USP14: variants seen among roughly 807,000 people sequenced by gnomAD.
The protein encoded by USP14 is ubiquitin specific peptidase 14.
In USP14, 38 loss-of-function variants were observed where a neutral mutation model predicts 76.5. The observed-to-expected ratio is 0.50, with a 90% CI of 0.38 to 0.65. The LOEUF (loss-of-function observed/expected upper bound fraction) is 0.65. Ranked by LOEUF, USP14 falls within the 30% of genes least tolerant of loss-of-function variation. The pLI is 0.00. For missense variants in USP14, 467 were observed against 586.5 expected (o/e 0.80, Z 2.10); for synonymous variants, 192 against 191.7 (o/e 1.00, Z -0.01).
intron 1 of USP14, among the ~76,000 whole-genome samples, chr18:160,311 A>G (rs944421605): frequency 1.3e-5 from 2 of 152,184 alleles, no homozygotes; most frequent in African/African-American, 4.8e-5. Context: ...TCTCAAGAAA[A>G]GAAAAAAAGA....
At chr18:169,360 CAAAAAAAAAAAAA>C (rs11336218) in intron 3 of USP14, among the ~76,000 whole-genome samples, 1 of 79,386 alleles carries the variant, frequency 1.3e-5, no homozygotes, top group Non-Finnish European at 2.4e-5. Context: ...GACTCTACCT[CAAAAAAAAAAAAA>C]AAAAAAAAAG....
chr18:164,690 G>A (rs1033885163), intron 2 of USP14, among the ~76,000 whole-genome samples: 2 of 152,128 alleles, frequency 1.3e-5, no homozygotes, highest in Admixed American at 1.3e-4. Context: ...CTGACCTCAA[G>A]TGATCTGCCC....
At chr18:171,343 T>G (rs574203189) in intron 3 of USP14, among the ~76,000 whole-genome samples, 10 of 152,230 alleles carry the variant, frequency 6.6e-5, no homozygotes, top group African/African-American at 2.4e-4. Context: ...TAGAGGCTAA[T>G]GTAGCTAATG....
chr18:176,176 G>T (rs943697538), intron 3 of USP14, among the ~76,000 whole-genome samples: 2 of 151,470 alleles, frequency 1.3e-5, no homozygotes, highest in Non-Finnish European at 1.5e-5. Context: ...AAAACATTTG[G>T]CCTGTTCATT....
At chr18:164,645 G>T (rs1364656660) in intron 2 of USP14, among the ~76,000 whole-genome samples, 1 of 151,870 alleles carries the variant, frequency 6.6e-6, no homozygotes, top group Non-Finnish European at 1.5e-5. Context: ...GTAGAGATGG[G>T]GTTTCACCAT....
intron 3 of USP14, among the ~76,000 whole-genome samples, chr18:178,095 A>C (rs1909678860): frequency 1.3e-5 from 2 of 152,120 alleles, no homozygotes; most frequent in Non-Finnish European, 2.9e-5. Flanking sequence ...ATCACAGCTC[A>C]CCACAGCCTC....
chr18:179,626 C>G (rs1382561350), intron 4 of USP14, among the ~76,000 whole-genome samples: 1 of 129,448 alleles, frequency 7.7e-6, no homozygotes, highest in Non-Finnish European at 1.6e-5. Flanking sequence ...CTTGCTCTGT[C>G]ACCCCGGCTG....
intron 5 of USP14, among the ~76,000 whole-genome samples, chr18:188,885 G>A (rs1910010362): frequency 6.6e-6 from 1 of 152,086 alleles, no homozygotes; most frequent in Non-Finnish European, 1.5e-5. Context: ...CACCATGTTG[G>A]CCAGGATGGT....
In USP14 at chr18:214,396, A is replaced by AAAT. The variant is rs1041067554; in HGVS notation, c.*3114_*3116dup. On this transcript the variant is annotated 3_prime_UTR_variant, in exon 16 of 16. Transcript: ENST00000261601. ...TTATAAATACATCTACTTAACAAAA[A>AAAT]AATATATTTTGTGATCTTGAGGTCA... is the stretch of plus-strand genomic sequence containing the variant. 4.5e-6 allele frequency: 2 copies of AAAT among 442,506 alleles called. No homozygotes were observed. The highest frequency in any genetic ancestry group is 3.9e-5 in the Admixed American group (1 of 25,430). The allele number at this position is 442,506 out of a possible 1,614,324, so 27.4% of individuals were successfully genotyped here. A position where few individuals can be genotyped will look rare whatever the true frequency, so the allele number is the denominator to read the frequency against.
intron 8 of USP14, 83 bp from the exon 9 acceptor site, chr18:197,963 TA>T: frequency 8.5e-7 from 1 of 1,177,266 alleles, no homozygotes; most frequent in South Asian, 1.8e-5. Flanking sequence ...TTTAAAAAAA[TA>T]TGTATTACTA....
chr18:179,123 G>A, intron 4 of USP14, 86 bp downstream of exon 4: 1 of 879,718 alleles, frequency 1.1e-6, no homozygotes, highest in Non-Finnish European at 1.7e-6. Context: ...GCATCTGAAT[G>A]TCTTGAAGAC....
rs1910711301 is a variant in USP14 at position 212,908 on chromosome 18, A to G, written c.*1624A>G. ...GCAGAGCACAACACTGATGATAACT[A>G]TTAAAAATAGAAAATAACAGCCATT... On this transcript the variant is annotated 3_prime_UTR_variant, in exon 16 of 16. Coordinates refer to ENST00000261601, the MANE Select transcript of USP14 (RefSeq NM_005151.4). 1.3e-5 allele frequency: 2 copies of G among 152,194 alleles called. No individual in the cohort carries two copies. Among genetic ancestry groups the G allele is most frequent in the African/African-American group, 4.8e-5 (2 of 41,468 alleles). The allele number at this position is 152,194 out of a possible 1,614,324, so 9.4% of individuals were successfully genotyped here. A position where few individuals can be genotyped will look rare whatever the true frequency, so the allele number is the denominator to read the frequency against.
intron 3 of USP14, among the ~76,000 whole-genome samples, chr18:169,660 C>G (rs1180169954): frequency 6.6e-6 from 1 of 152,088 alleles, no homozygotes; most frequent in Non-Finnish European, 1.5e-5. Context: ...TTTTATTGTG[C>G]TTCACAGATA....
chr18:183,493 A>G (rs890926344), intron 5 of USP14, among the ~76,000 whole-genome samples: 2 of 151,806 alleles, frequency 1.3e-5, no homozygotes, highest in African/African-American at 4.8e-5. Flanking sequence ...GGTTTCTTAT[A>G]CATATTAAAA....
chr18:204,466 G>C (rs1910470953), intron 12 of USP14, 98 bp from the exon 13 acceptor site: 1 of 1,077,846 alleles, frequency 9.3e-7, no homozygotes, highest in Non-Finnish European at 1.3e-6. Context: ...ATTTTCAACT[G>C]TATCTGAATT....
At chr18:176,595 A>G (rs1027250628) in intron 3 of USP14, among the ~76,000 whole-genome samples, 1 of 151,962 alleles carries the variant, frequency 6.6e-6, no homozygotes, top group African/African-American at 2.4e-5. Flanking sequence ...AGTGCTTAGT[A>G]TATATGGTAT....
intron 4 of USP14, among the ~76,000 whole-genome samples, chr18:179,934 TG>T (rs1909739440): frequency 1.3e-5 from 2 of 151,982 alleles, no homozygotes; most frequent in Non-Finnish European, 2.9e-5. Flanking sequence ...AGTGTTTCTT[TG>T]CATATTTTGC....
chr18:206,018 A>G (rs149021502), intron 13 of USP14, among the ~76,000 whole-genome samples: 23 of 152,296 alleles, frequency 1.5e-4, no homozygotes, highest in Non-Finnish European at 3.2e-4. Context: ...ACCTGCTGTA[A>G]ACATTCGTGT....
chr18:178,892 A>C (rs772996713), intron 3 of USP14, 41 bp from the exon 4 acceptor site: 4 of 1,498,980 alleles, frequency 2.7e-6, no homozygotes, highest in Non-Finnish European at 3.7e-6. Flanking sequence ...AACATTACCA[A>C]CTTTTAAGGA....
Sources: allele counts gnomAD v4.1 joint callset (sites outside exome capture counted in the v4.1 genomes callset), GRCh38; gene constraint gnomAD v4.1.1; transcripts MANE v1.5; gene names NCBI Gene and HGNC (gene_info 2026-07-23, HGNC 2026-07-21).